RBFOX1: variants seen among roughly 807,000 people sequenced by gnomAD.
RBFOX1 encodes RNA binding fox-1 homolog 1.
RBFOX1 carries 8 observed loss-of-function variants against 57.7 expected under a neutral mutation model. The observed-to-expected ratio is 0.14, with a 90% confidence interval of 0.08 to 0.25. The LOEUF is 0.25. Among genes scored for constraint, RBFOX1 ranks in the 10% least tolerant of loss-of-function variants. The probability of loss-of-function intolerance (pLI) is 1.00; values close to 1 mark genes in which losing one functional copy is unlikely to be tolerated. For synonymous variants in RBFOX1, 326 were observed against 222.4 expected (o/e 1.47, Z -4.15); for missense variants, 611 against 548.5 (o/e 1.11, Z -1.14).
At chr16:7,392,025 C>A (rs2098036972) in intron 4 of RBFOX1, among the ~76,000 whole-genome samples, 1 of 152,234 alleles carries the variant, frequency 6.6e-6, no homozygotes, top group Admixed American at 6.5e-5. Context: ...CTTTTGCAAT[C>A]TCATTTCATG....
chr16:7,424,326 C>G (rs1399188634), intron 4 of RBFOX1, among the ~76,000 whole-genome samples: 1 of 152,068 alleles, frequency 6.6e-6, no homozygotes, highest in Non-Finnish European at 1.5e-5. Context: ...GTGATGCAAT[C>G]TTTTCTGACT....
intron 1 of RBFOX1, among the ~76,000 whole-genome samples, chr16:6,025,046 A>T (rs7185884): frequency 2.2e-4 from 33 of 152,188 alleles, no homozygotes; most frequent in East Asian, 1.9e-3. Context: ...CTGGGAAGGG[A>T]CCCTGGCTGT....
intron 4 of RBFOX1, among the ~76,000 whole-genome samples, chr16:5,992,945 G>GA (rs1170878052): frequency 6.6e-6 from 1 of 151,740 alleles, no homozygotes; most frequent in Non-Finnish European, 1.5e-5. Context: ...TCAAAAGAAA[G>GA]AAAAAAAAGA....
chr16:6,854,535 A>T (rs144543140), intron 3 of RBFOX1, among the ~76,000 whole-genome samples: 98 of 151,166 alleles, frequency 6.5e-4, no homozygotes, highest in Middle Eastern at 3.4e-3. Context: ...TGCCTGGCCA[A>T]CGACATCTTC....
chr16:6,183,404 C>T (rs1361716252), intron 1 of RBFOX1, among the ~76,000 whole-genome samples: 6 of 151,622 alleles, frequency 4.0e-5, no homozygotes, highest in Admixed American at 6.6e-5. Flanking sequence ...AGCTTGAACT[C>T]GGGAGGTGGA....
At chr16:6,786,499 A>G (rs79231115) in intron 3 of RBFOX1, among the ~76,000 whole-genome samples, 3,031 of 152,268 alleles carry the variant, frequency 0.02, 64 homozygotes, top group Middle Eastern at 0.058. Context: ...GCCCCTTAAA[A>G]GACTGTAGCT....
intron 1 of RBFOX1, among the ~76,000 whole-genome samples, chr16:6,024,373 G>A (rs1481912140): frequency 6.6e-6 from 1 of 152,164 alleles, no homozygotes; most frequent in African/African-American, 2.4e-5. Context: ...AAATTATAGT[G>A]TGATAGTGAC....
At chr16:6,381,407 G>C (rs1427844386) in intron 2 of RBFOX1, among the ~76,000 whole-genome samples, 1 of 152,058 alleles carries the variant, frequency 6.6e-6, no homozygotes, top group African/African-American at 2.4e-5. Flanking sequence ...TTAGCTCCCA[G>C]TTATAACTAG....
chr16:5,540,676 C>T (rs1477097731), intron 2 of RBFOX1, among the ~76,000 whole-genome samples: 2 of 152,160 alleles, frequency 1.3e-5, no homozygotes, highest in Middle Eastern at 3.4e-3. Flanking sequence ...TTATTGAATA[C>T]GAATCTCTGG....
intron 3 of RBFOX1, among the ~76,000 whole-genome samples, chr16:6,669,133 G>T (rs558949358): frequency 4.0e-4 from 61 of 152,184 alleles, no homozygotes; most frequent in African/African-American, 1.4e-3. Flanking sequence ...AATTTTCTTC[G>T]TGTTGATCAA....
intron 4 of RBFOX1, among the ~76,000 whole-genome samples, chr16:7,414,876 C>G (rs1244948704): frequency 6.6e-6 from 1 of 152,204 alleles, no homozygotes; most frequent in Admixed American, 6.5e-5. Context: ...CTTCAGCCTT[C>G]TAAAATGCTG....
chr16:7,073,453 C>T (rs2057732983), intron 4 of RBFOX1, among the ~76,000 whole-genome samples: 1 of 152,108 alleles, frequency 6.6e-6, no homozygotes, highest in Non-Finnish European at 1.5e-5. Context: ...ACTCAACCAC[C>T]ATTTAAAGAA....
intron 3 of RBFOX1, among the ~76,000 whole-genome samples, chr16:6,786,801 C>G (rs1363492852): frequency 6.6e-6 from 1 of 151,960 alleles, no homozygotes; most frequent in Non-Finnish European, 1.5e-5. Flanking sequence ...GAGGTCACAT[C>G]GAGGGTCATG....
intron 1 of RBFOX1, among the ~76,000 whole-genome samples, chr16:5,454,946 CCTTCCTTCCTTCCTTTCTTTCTTTCTTT>C (rs1369930820): frequency 6.8e-4 from 33 of 48,322 alleles, no homozygotes; most frequent in South Asian, 1.4e-3. Context: ...TTCCTTCCTT[CCTTCCTTCCTTCCTTTCTTTCTTTCTTT>C]CTTTCTTTCT....
In RBFOX1 at chr16:5,897,016, C is replaced by CTTTTTTTTTTTTTTT. The variant is rs575235024; in HGVS notation, c.351+29697_351+29711dup. Among the ~76,000 whole-genome samples, 121 of 56,466 alleles carry CTTTTTTTTTTTTTTT rather than the reference C, an allele frequency of 2.1e-3. 9 individuals carry two copies. Among genetic ancestry groups the CTTTTTTTTTTTTTTT allele is most frequent in the East Asian group, 8.6e-3 (13 of 1,506 alleles). The allele number at this position is 56,466 out of a possible 152,430, so 37.0% of individuals were successfully genotyped here. A position where few individuals can be genotyped will look rare whatever the true frequency, so the allele number is the denominator to read the frequency against. The stretch of plus-strand genomic sequence containing the variant: ...CCCCCACTAAAAATGTATCCATCCG[C>CTTTTTTTTTTTTTTT]TTTTTTTTTTTTTTTTTTTTTTTTT... On this transcript the variant is annotated intron_variant, in intron 4 of 19. Coordinates refer to the RBFOX1 transcript ENST00000641259.
At chr16:5,431,303 C>T (rs531564933) in intron 1 of RBFOX1, among the ~76,000 whole-genome samples, 1 of 152,156 alleles carries the variant, frequency 6.6e-6, no homozygotes, top group African/African-American at 2.4e-5. Context: ...TCTATTTCAA[C>T]CGTGCAGAAA....
At chr16:7,500,175 C>G (rs759971090) in intron 4 of RBFOX1, among the ~76,000 whole-genome samples, 3 of 152,178 alleles carry the variant, frequency 2.0e-5, no homozygotes, top group Non-Finnish European at 4.4e-5. Flanking sequence ...AGCACAGACT[C>G]TCCAGTCTCA....
chr16:5,556,205 A>G (rs2045669877), intron 2 of RBFOX1, among the ~76,000 whole-genome samples: 1 of 152,232 alleles, frequency 6.6e-6, no homozygotes, highest in African/African-American at 2.4e-5. Context: ...CGGTCTGCAG[A>G]GGAGCCTTGG....
intron 4 of RBFOX1, chr16:7,328,923 T>C (rs2096648318): frequency 6.6e-6 from 1 of 152,174 alleles, no homozygotes; most frequent in Non-Finnish European, 1.5e-5. Flanking sequence ...TTGTATAATC[T>C]TCGAGGTAAG....
Sources: gnomAD v4.1 joint callset for allele counts (sites outside exome capture counted in the v4.1 genomes callset) on GRCh38, gnomAD v4.1.1 for gene constraint, MANE v1.5 for transcripts, NCBI Gene and HGNC (gene_info 2026-07-23, HGNC 2026-07-21) for gene names.